Variants in GNA12 observed in about 807,000 individuals in gnomAD.
The protein encoded by GNA12 is G protein subunit alpha 12.
In GNA12, 9 loss-of-function variants were observed where a neutral mutation model predicts 26.0. The observed-to-expected ratio is 0.35, with a 90% CI of 0.21 to 0.60. The LOEUF is 0.60. GNA12 is among the 20% of genes least tolerant of loss of function. The pLI is 0.78. For missense variants in GNA12, 405 were observed against 525.8 expected, an observed-to-expected ratio of 0.77 and a Z score of 2.25; for synonymous variants, 264 against 219.6, an observed-to-expected ratio of 1.20 and a Z score of -1.79.
chr7:2,837,588 G>C (rs1424387652), intron 1 of GNA12, among the ~76,000 whole-genome samples: 2 of 152,198 alleles, frequency 1.3e-5, no homozygotes, highest in Non-Finnish European at 2.9e-5. Flanking sequence ...AAAGCAGCCA[G>C]AGAGGAGCAA....
In GNA12 at chr7:2,735,736, G is replaced by A. The variant is rs892624642; in HGVS notation, c.526-2235C>T. 2.6e-5 allele frequency among the ~76,000 whole-genome samples: 4 copies of A among 152,118 alleles called. 1 individual carries two copies. Among genetic ancestry groups the A allele is most frequent in the South Asian group, 4.2e-4 (2 of 4,814 alleles). On this transcript the variant is annotated intron_variant, in intron 2 of 3. Coordinates refer to ENST00000275364, the MANE Select transcript of GNA12 (RefSeq NM_007353.3). Reference sequence around the variant, plus strand: ...GCAGGAAAACTTATCTGTGACTCTCGGTCATCTTGCATGAGTGGCGGAGGA... The same window carrying A: ...GCAGGAAAACTTATCTGTGACTCTCAGTCATCTTGCATGAGTGGCGGAGGA...
intron 1 of GNA12, among the ~76,000 whole-genome samples, chr7:2,810,128 A>G (rs531053863): frequency 3.9e-5 from 6 of 152,238 alleles, no homozygotes; most frequent in African/African-American, 9.6e-5. Flanking sequence ...CTGGGCTGCT[A>G]TAACAAAACC....
chr7:2,735,473 G>C (rs954178267), intron 2 of GNA12, among the ~76,000 whole-genome samples: 1 of 152,172 alleles, frequency 6.6e-6, no homozygotes, highest in South Asian at 2.1e-4. Flanking sequence ...GCTCCGCCCA[G>C]ATAGTACGGA....
At chr7:2,813,354 T>G (rs1242026862) in intron 1 of GNA12, among the ~76,000 whole-genome samples, 2 of 152,246 alleles carry the variant, frequency 1.3e-5, no homozygotes, top group Non-Finnish European at 2.9e-5. Flanking sequence ...GATGACTCCA[T>G]GCCCATAGTA....
chr7:2,789,677 C>A (rs1284321663), intron 2 of GNA12, among the ~76,000 whole-genome samples: 1 of 152,190 alleles, frequency 6.6e-6, no homozygotes, highest in African/African-American at 2.4e-5. Context: ...CCCTACTTCT[C>A]CAGTGGTGAG....
At chr7:2,788,848 C>T (rs1482599968) in intron 2 of GNA12, among the ~76,000 whole-genome samples, 1 of 152,082 alleles carries the variant, frequency 6.6e-6, no homozygotes, top group African/African-American at 2.4e-5. Flanking sequence ...GGTCTTGTTG[C>T]ACACACACGT....
rs1168760348 is a variant in GNA12, at chr7:2,728,377, TTTTTC to T, written c.*2799_*2803del. ...ATCTTGGAGTTAACAATCTGACTTA[TTTTTC>T]TTTTATCAAAGAAGTAGGAAAATTA... On this transcript the variant is annotated 3_prime_UTR_variant, in exon 4 of 4. Coordinates refer to ENST00000275364, the MANE Select transcript of GNA12 (RefSeq NM_007353.3). 2 of 152,214 alleles carry T rather than the reference TTTTTC, an allele frequency of 1.3e-5. No homozygotes were observed. The highest frequency in any genetic ancestry group is 4.8e-5 in the African/African-American group (2 of 41,392). The allele number at this position is 152,214 out of a possible 1,614,324, so 9.4% of individuals were successfully genotyped here. A position where few individuals can be genotyped will look rare whatever the true frequency, so the allele number is the denominator to read the frequency against.
chr7:2,798,011 T>G (rs1160151207), intron 1 of GNA12, among the ~76,000 whole-genome samples: 1 of 152,072 alleles, frequency 6.6e-6, no homozygotes, highest in East Asian at 1.9e-4. Flanking sequence ...TAAAGAACAC[T>G]GACAAAAAAA....
At chr7:2,747,757 T>A (rs1458210195) in intron 2 of GNA12, among the ~76,000 whole-genome samples, 1 of 152,234 alleles carries the variant, frequency 6.6e-6, no homozygotes, top group African/African-American at 2.4e-5. Context: ...GACATGATTG[T>A]ATATTATCTA....
chr7:2,744,127 C>T (rs1036845849), intron 2 of GNA12, among the ~76,000 whole-genome samples: 21 of 152,236 alleles, frequency 1.4e-4, no homozygotes, highest in African/African-American at 4.8e-4. Flanking sequence ...CAGCAGTAAC[C>T]TCTGCAGACT....
chr7:2,758,917 G>C (rs1791426214), intron 2 of GNA12, among the ~76,000 whole-genome samples: 1 of 152,112 alleles, frequency 6.6e-6, no homozygotes, highest in Non-Finnish European at 1.5e-5. Context: ...GGCCGAGGTG[G>C]ATCACCTGAG....
chr7:2,785,868 G>A (rs908693842), intron 2 of GNA12, among the ~76,000 whole-genome samples: 9 of 152,116 alleles, frequency 5.9e-5, no homozygotes, highest in South Asian at 2.1e-4. Context: ...CCAACATGGC[G>A]AAACCATATC....
At chr7:2,820,401 CTTTTT>C (rs35674433) in intron 1 of GNA12, among the ~76,000 whole-genome samples, 1 of 126,370 alleles carries the variant, frequency 7.9e-6, no homozygotes, top group African/African-American at 3.0e-5. Context: ...CTCAATAAAG[CTTTTT>C]TTTTTTTTTT....
intron 1 of GNA12, 119 bp from the exon 2 acceptor site, chr7:2,795,262 T>C (rs1792630045): frequency 4.0e-6 from 3 of 742,916 alleles, no homozygotes; most frequent in African/African-American, 1.7e-5. Flanking sequence ...CTCTGAGCTG[T>C]GCAGCCTGAG....
At chr7:2,755,430 C>T (rs77431958) in intron 2 of GNA12, among the ~76,000 whole-genome samples, 1,752 of 152,240 alleles carry the variant, frequency 0.012, 35 homozygotes, top group African/African-American at 0.039. Flanking sequence ...TTGAGTGTTT[C>T]GTGCTTCTTA....
chr7:2,731,130 C>T lies in GNA12; in HGVS notation c.*51G>A, dbSNP rs765049831. 17 of 1,271,346 alleles carry T rather than the reference C, an allele frequency of 1.3e-5. No individual in the cohort carries two copies. The highest frequency in any genetic ancestry group is 1.9e-4 in the Middle Eastern group (1 of 5,222). The allele number at this position is 1,271,346 out of a possible 1,614,324, so 78.8% of individuals were successfully genotyped here. ...AGACAACACACACCCAAGAGTCTGA[C>T]CGACAGCCGTGGGGGCTGCTCAACG... On this transcript the variant is annotated 3_prime_UTR_variant, in exon 4 of 4. Transcript: ENST00000275364. This position sits in a 1 kb window ranked among gnomAD's most constrained non-coding sequence, Gnocchi z 6.0.
chr7:2,784,738 T>C (rs1792316503), intron 2 of GNA12, among the ~76,000 whole-genome samples: 1 of 152,160 alleles, frequency 6.6e-6, no homozygotes, highest in South Asian at 2.1e-4. Context: ...TGTGTACTGA[T>C]TCGCAAGCGC....
chr7:2,793,320 A>G (rs1792567467), intron 2 of GNA12, among the ~76,000 whole-genome samples: 1 of 146,076 alleles, frequency 6.8e-6, no homozygotes, highest in African/African-American at 2.7e-5. Flanking sequence ...GAGAGGAAGC[A>G]GCGGACAGGA....
intron 2 of GNA12, among the ~76,000 whole-genome samples, chr7:2,740,921 T>C (rs752129850): frequency 4.6e-5 from 7 of 152,272 alleles, no homozygotes; most frequent in Non-Finnish European, 5.9e-5. Context: ...GGCAGGTGCC[T>C]GTAGTCCCAG....
Sources: gnomAD v4.1 joint callset for allele counts (sites outside exome capture counted in the v4.1 genomes callset) on GRCh38, gnomAD v4.1.1 for gene constraint, Gnocchi (gnomAD v3.1) non-coding constraint, MANE v1.5 for transcripts, NCBI Gene and HGNC (gene_info 2026-07-23, HGNC 2026-07-21) for gene names.